The following PDE1A variants were observed in gnomAD, a reference collection of about 807,000 sequenced individuals.
PDE1A encodes dual specificity calcium/calmodulin-dependent 3',5'-cyclic nucleotide phosphodiesterase 1A.
In PDE1A, 35 loss-of-function variants were observed where a neutral mutation model predicts 61.7. That is an observed-to-expected ratio of 0.57 (90% CI 0.43 to 0.75). PDE1A has a LOEUF of 0.75. PDE1A is among the 30% of genes least tolerant of loss of function. The probability of loss-of-function intolerance (pLI) is 0.00; values close to 1 mark genes in which losing one functional copy is unlikely to be tolerated. For missense variants in PDE1A, 597 were observed against 630.6 expected, an observed-to-expected ratio of 0.95 and a Z score of 0.57; for synonymous variants, 232 against 213.2, an observed-to-expected ratio of 1.09 and a Z score of -0.77.
At chr2:182,219,158 T>A (rs1032572579) in intron 7 of PDE1A, among the ~76,000 whole-genome samples, 1 of 152,088 alleles carries the variant, frequency 6.6e-6, no homozygotes, top group Non-Finnish European at 1.5e-5. Flanking sequence ...AAAATTAAGA[T>A]AGAAAAGTCG....
At chr2:182,284,868 G>A (rs1361170948) in intron 1 of PDE1A, among the ~76,000 whole-genome samples, 1 of 151,986 alleles carries the variant, frequency 6.6e-6, no homozygotes, top group Non-Finnish European at 1.5e-5. Context: ...ATTTTATGAA[G>A]TAATTTACAT....
chr2:182,468,025 G>A lies in PDE1A; in HGVS notation c.101+54251C>T, dbSNP rs1419520160. On this transcript the variant is annotated intron_variant, in intron 2 of 14. Transcript: ENST00000410103. ...TGCTAAAACATACTAACGATTATCTGAGTCTTCAGAATCATACTCTTTTTC... is the reference window on the plus strand; with the variant it reads ...TGCTAAAACATACTAACGATTATCTAAGTCTTCAGAATCATACTCTTTTTC... 4.6e-5 allele frequency among the ~76,000 whole-genome samples: 7 copies of A among 152,094 alleles called. No homozygotes were observed. The East Asian group carries it at 1.4e-3, about 29-fold the overall frequency.
intron 13 of PDE1A, among the ~76,000 whole-genome samples, chr2:182,160,256 T>C (rs1187280167): frequency 3.3e-5 from 5 of 152,098 alleles, no homozygotes; most frequent in African/African-American, 1.2e-4. Flanking sequence ...CTTAGTGTGA[T>C]GATTAATTTT....
chr2:182,536,382 GT>G, the PDE1A span, among the ~76,000 whole-genome samples: 1 of 152,120 alleles, frequency 6.6e-6, no homozygotes, highest in Non-Finnish European at 1.5e-5. Context: ...TAAAACACTA[GT>G]TTTCATAATA....
intron 1 of PDE1A, among the ~76,000 whole-genome samples, chr2:182,378,196 A>T (rs1644599199): frequency 6.6e-6 from 1 of 152,224 alleles, no homozygotes; most frequent in Non-Finnish European, 1.5e-5. Flanking sequence ...AACATGAATT[A>T]TCTCAAAAAT....
At chr2:182,412,553 G>A (rs1001218842) in intron 1 of PDE1A, among the ~76,000 whole-genome samples, 2 of 152,146 alleles carry the variant, frequency 1.3e-5, no homozygotes, top group Admixed American at 1.3e-4. Flanking sequence ...GATGCTCAAT[G>A]GTTATTACTG....
chr2:182,264,259 A>C, intron 2 of PDE1A, 42 bp downstream of exon 2: 1 of 1,322,418 alleles, frequency 7.6e-7, no homozygotes, highest in Non-Finnish European at 1.1e-6. Context: ...GAAAAACGGG[A>C]GAGAATCAAA....
intron 2 of PDE1A, among the ~76,000 whole-genome samples, chr2:182,511,735 G>C (rs925267467): frequency 2.0e-4 from 31 of 152,110 alleles, no homozygotes; most frequent in African/African-American, 6.8e-4. Flanking sequence ...CCCCCTGTTT[G>C]CCAGCCTCTC....
At chr2:182,314,510 C>CTACGTT (rs1696203167) in intron 1 of PDE1A, 1 of 152,154 alleles carries the variant, frequency 6.6e-6, no homozygotes, top group African/African-American at 2.4e-5. Context: ...AGCCATTGCA[C>CTACGTT]TCCAGCCTGG....
chr2:182,702,355 G>A, the PDE1A span, among the ~76,000 whole-genome samples: 41 of 152,130 alleles, frequency 2.7e-4, no homozygotes, highest in Middle Eastern at 3.4e-3. Flanking sequence ...CACCCACCTC[G>A]GCCTCCCAAA....
chr2:182,332,430 A>G (rs1253206308), intron 1 of PDE1A, among the ~76,000 whole-genome samples: 5 of 152,116 alleles, frequency 3.3e-5, no homozygotes, highest in Non-Finnish European at 7.4e-5. Context: ...GGAGAAGAGA[A>G]GTTCTGGGTT....
chr2:182,219,085 G>C (rs990787034), intron 7 of PDE1A, among the ~76,000 whole-genome samples: 1 of 151,972 alleles, frequency 6.6e-6, no homozygotes, highest in African/African-American at 2.4e-5. Flanking sequence ...ATCTATTTAT[G>C]ATTCTAGTTT....
At chr2:182,546,469 C>G in the PDE1A span, among the ~76,000 whole-genome samples, 22 of 152,006 alleles carry the variant, frequency 1.4e-4, no homozygotes, top group Non-Finnish European at 3.1e-4. Flanking sequence ...GAGGGCTGTG[C>G]ATCAAAAGGC....
intron 2 of PDE1A, among the ~76,000 whole-genome samples, chr2:182,449,680 C>G (rs1313136542): frequency 6.6e-6 from 1 of 152,000 alleles, no homozygotes; most frequent in Non-Finnish European, 1.5e-5. Context: ...TATAATTCTA[C>G]TAAATCATAA....
At chr2:182,238,535 G>A (rs1210398227) in intron 3 of PDE1A, among the ~76,000 whole-genome samples, 6 of 152,098 alleles carry the variant, frequency 3.9e-5, no homozygotes, top group East Asian at 1.9e-4. Context: ...GGGAGGAAGC[G>A]TTTAAAGGAA....
At chr2:182,399,228 A>C (rs911542999) in intron 1 of PDE1A, among the ~76,000 whole-genome samples, 3 of 151,868 alleles carry the variant, frequency 2.0e-5, no homozygotes, top group Non-Finnish European at 2.9e-5. Context: ...GTTTATTTTA[A>C]ATTTATATGC....
Position 182,185,930 on chromosome 2 carries a change from T to C in PDE1A, c.1478A>G (p.Gln493Arg), listed in dbSNP as rs771441131. The C allele has an allele frequency of 1.4e-5, 22 of 1,613,984 alleles. 1 individual carries two copies. The South Asian group carries it at 2.1e-4, about 15-fold the overall frequency. The change falls in exon 13 of 14, where the codon CAG (glutamine) becomes CGG (arginine). Residue 493 changes from glutamine (Q) to arginine (R), a missense_variant. By Grantham distance (43) the Gln-to-Arg change is conservative. Coordinates refer to ENST00000351439, the Ensembl canonical transcript of PDE1A. ...CTCTTTCCACCTCTCTTTGTTCTGC[T>C]GAATGATGTCCACCAGGTTGTTCTT... is the stretch of plus-strand genomic sequence containing the variant.
intron 1 of PDE1A, among the ~76,000 whole-genome samples, chr2:182,384,583 T>C (rs1700922195): frequency 6.6e-6 from 1 of 151,416 alleles, no homozygotes; most frequent in South Asian, 2.1e-4. Flanking sequence ...ACAAATAACT[T>C]GAACTCCAAG....
downstream of PDE1A, among the ~76,000 whole-genome samples, chr2:182,143,319 AAC>A (rs1690318032): frequency 6.6e-6 from 1 of 152,180 alleles, no homozygotes; most frequent in Non-Finnish European, 1.5e-5. Context: ...TTCAAAAAAA[AAC>A]ATGTTGCACA....
Sources: gnomAD v4.1 joint callset for allele counts (sites outside exome capture counted in the v4.1 genomes callset) on GRCh38, gnomAD v4.1.1 for gene constraint, MANE v1.5 for transcripts, NCBI Gene and HGNC (gene_info 2026-07-23, HGNC 2026-07-21) for gene names.